The following SAMSN1 variants were observed in gnomAD, a reference collection of about 807,000 sequenced individuals.
SAMSN1 encodes the protein SAM domain-containing protein SAMSN-1.
SAMSN1 carries 31 observed loss-of-function variants against 42.0 expected under a neutral mutation model. That is an observed-to-expected ratio of 0.74 (90% confidence interval 0.55 to 1.00). The LOEUF is 1.00. Ranked by LOEUF, SAMSN1 falls within the 50% of genes least tolerant of loss-of-function variation. The probability of loss-of-function intolerance (pLI) is 0.00; values close to 1 mark genes in which losing one functional copy is unlikely to be tolerated. For synonymous variants in SAMSN1, 178 were observed against 151.9 expected (o/e 1.17, Z -1.26); for missense variants, 464 against 439.4 (o/e 1.06, Z -0.50).
intron 3 of SAMSN1, among the ~76,000 whole-genome samples, chr21:14,613,773 G>A (rs1982767358): frequency 6.6e-6 from 1 of 151,904 alleles, no homozygotes; most frequent in African/African-American, 2.4e-5. Context: ...AAAACAGAAA[G>A]TATGCAGTCA....
intron 7 of SAMSN1, among the ~76,000 whole-genome samples, chr21:14,491,957 A>G (rs1021666143): frequency 1.3e-5 from 2 of 151,924 alleles, no homozygotes; most frequent in Non-Finnish European, 2.9e-5. Context: ...CATATTTTTA[A>G]AAAACTTTAA....
chr21:14,576,269 C>T (rs1221146419), intron 2 of SAMSN1, among the ~76,000 whole-genome samples: 1 of 152,004 alleles, frequency 6.6e-6, no homozygotes, highest in Non-Finnish European at 1.5e-5. Flanking sequence ...GAAAATTAAT[C>T]TGTTAGATTA....
chr21:14,528,811 T>G lies in SAMSN1; in HGVS notation c.58-7590A>C, dbSNP rs191880048. Among the ~76,000 whole-genome samples the G allele has an allele frequency of 9.2e-5, 14 of 152,288 alleles. No individual in the cohort carries two copies. In the South Asian group the frequency reaches 1.7e-3, roughly 18 times the overall value. ...CCATGTCTCATCATCTCATTCTTCT[T>G]TCCAAAATGTAAAGCTTGCTCCACA... On this transcript the variant is annotated intron_variant, in intron 1 of 7. Transcript: ENST00000400566.
Position 14,577,274 on chromosome 21 carries a change from ATATATATATATTT to A in SAMSN1, c.261+4849_261+4861del, listed in dbSNP as rs1568816185. On this transcript the variant is annotated intron_variant, in intron 2 of 8. Transcript: ENST00000285670. The stretch of plus-strand genomic sequence containing the variant: ...TATATATATATATATATATATATAT[ATATATATATATTT>A]TTTTTTTAGAAGAGACAGGGTTTTA... Among the ~76,000 whole-genome samples, 36 of 50,402 alleles carry A rather than the reference ATATATATATATTT, an allele frequency of 7.1e-4. 2 individuals are homozygous for A. The highest frequency in any genetic ancestry group is 7.2e-4 in the African/African-American group (6 of 8,340). 33.1% of individuals were successfully genotyped at this position (50,402 alleles called of 152,430 possible).
intron 2 of SAMSN1, among the ~76,000 whole-genome samples, chr21:14,572,671 T>C (rs1197669842): frequency 6.6e-6 from 1 of 152,146 alleles, no homozygotes; most frequent in Non-Finnish European, 1.5e-5. Flanking sequence ...GTGAGAAAAG[T>C]TATATTGCAC....
At chr21:14,598,873 G>C (rs927853515) in intron 6 of SAMSN1, among the ~76,000 whole-genome samples, 1 of 152,048 alleles carries the variant, frequency 6.6e-6, no homozygotes, top group African/African-American at 2.4e-5. Flanking sequence ...AATGATCATA[G>C]GAAAATATTT....
At chr21:14,581,340 ATTTCTTTTTTTT>A (rs1430430199) in intron 2 of SAMSN1, among the ~76,000 whole-genome samples, 4 of 22,536 alleles carry the variant, frequency 1.8e-4, no homozygotes, top group African/African-American at 4.9e-4. Context: ...GGGAAATAAT[ATTTCTTTTTTTT>A]TTTTTTTTTT....
intron 2 of SAMSN1, among the ~76,000 whole-genome samples, chr21:14,574,411 C>T (rs1214345727): frequency 2.0e-5 from 3 of 152,196 alleles, no homozygotes; most frequent in East Asian, 1.9e-4. Context: ...TAATATGATG[C>T]CTTTGAGTAA....
chr21:14,545,480 C>T (rs919034219), intron 1 of SAMSN1, among the ~76,000 whole-genome samples: 6 of 151,690 alleles, frequency 4.0e-5, no homozygotes, highest in East Asian at 1.9e-4. Context: ...AGTTGTTTTA[C>T]GTTATTAATA....
At chr21:14,654,579 A>T (rs2123400860) in intron 1 of SAMSN1, among the ~76,000 whole-genome samples, 1 of 152,100 alleles carries the variant, frequency 6.6e-6, no homozygotes, top group South Asian at 2.1e-4. Context: ...CTGCTATAAA[A>T]GAGGGCTGAA....
At chr21:14,611,174 A>G (rs1269315910) in intron 4 of SAMSN1, among the ~76,000 whole-genome samples, 1 of 152,010 alleles carries the variant, frequency 6.6e-6, no homozygotes, top group South Asian at 2.1e-4. Context: ...TACCCTCTAG[A>G]TTCTCCATCA....
At chr21:14,643,403 AG>A (rs1281920200) in intron 1 of SAMSN1, among the ~76,000 whole-genome samples, 2 of 152,320 alleles carry the variant, frequency 1.3e-5, no homozygotes, top group Middle Eastern at 3.4e-3. Context: ...GCACACAATG[AG>A]GGAATTCCTC....
chr21:14,586,349 T>C (rs1363312329), upstream of SAMSN1, among the ~76,000 whole-genome samples: 4 of 151,784 alleles, frequency 2.6e-5, no homozygotes, highest in African/African-American at 9.7e-5. Flanking sequence ...AATTCTCTTA[T>C]CCATTACCTA....
chr21:14,631,344 T>C (rs1005823334), intron 2 of SAMSN1, among the ~76,000 whole-genome samples: 1 of 152,202 alleles, frequency 6.6e-6, no homozygotes, highest in Non-Finnish European at 1.5e-5. Context: ...GTTTTCTCAT[T>C]TTATAGGAGA....
chr21:14,490,341 C>T (rs991165495), intron 7 of SAMSN1, among the ~76,000 whole-genome samples: 1 of 152,136 alleles, frequency 6.6e-6, no homozygotes, highest in Non-Finnish European at 1.5e-5. Context: ...ATCAATCATC[C>T]TCCTGTTTTT....
At position 14,499,539 on chromosome 21, in the gene SAMSN1, T is replaced by C. The variant is rs529622030; in HGVS notation, c.769-947A>G. The stretch of plus-strand genomic sequence containing the variant: ...AAAAGCAAGAAGAATGACAATTCTT[T>C]CTTTAAAAAAGTATATTCTTAGCAC... On this transcript the variant is annotated intron_variant, in intron 6 of 7. Transcript: ENST00000400566. 1.2e-3 allele frequency among the ~76,000 whole-genome samples: 183 copies of C among 151,628 alleles called. 1 individual carries two copies. Among genetic ancestry groups the C allele is most frequent in the South Asian group, 1.7e-3 (8 of 4,806 alleles).
chr21:14,539,751 T>C (rs370555585), intron 1 of SAMSN1, among the ~76,000 whole-genome samples: 16 of 152,162 alleles, frequency 1.1e-4, no homozygotes, highest in East Asian at 7.7e-4. Context: ...GCCATACCCA[T>C]CAAGCTACCA....
intron 2 of SAMSN1, among the ~76,000 whole-genome samples, chr21:14,567,669 C>A (rs192785148): frequency 5.3e-5 from 8 of 152,110 alleles, no homozygotes; most frequent in African/African-American, 1.4e-4. Context: ...CCATTCCTGG[C>A]GTCCTGGTGT....
At chr21:14,564,843 G>C (rs560989728) in intron 2 of SAMSN1, among the ~76,000 whole-genome samples, 1 of 152,070 alleles carries the variant, frequency 6.6e-6, no homozygotes, top group Non-Finnish European at 1.5e-5. Context: ...CCGAAGGCTG[G>C]GGAGGATCAC....
Sources: allele counts gnomAD v4.1 joint callset (sites outside exome capture counted in the v4.1 genomes callset), GRCh38; gene constraint gnomAD v4.1.1; transcripts MANE v1.5; gene names NCBI Gene and HGNC (gene_info 2026-07-23, HGNC 2026-07-21).